The following PKD2L2 variants were observed in gnomAD, a reference collection of about 807,000 sequenced individuals.
The protein encoded by PKD2L2 is polycystin-2-like protein 2.
In PKD2L2, 67 loss-of-function variants were observed where a neutral mutation model predicts 83.9. That is an observed-to-expected ratio of 0.80 (90% CI 0.66 to 0.98). The LOEUF (loss-of-function observed/expected upper bound fraction) is 0.98, where lower values mean the gene tolerates loss of function less well. Ranked by LOEUF, PKD2L2 falls within the 50% of genes least tolerant of loss-of-function variation. The pLI, the probability that PKD2L2 is intolerant of heterozygous loss-of-function variation, is 0.00. For synonymous variants in PKD2L2, 223 were observed against 237.8 expected, an observed-to-expected ratio of 0.94 and a Z score of 0.57; for missense variants, 632 against 717.2, an observed-to-expected ratio of 0.88 and a Z score of 1.36.
At chr5:137,931,314 G>T (rs1367940326) in intron 12 of PKD2L2, among the ~76,000 whole-genome samples, 2 of 152,004 alleles carry the variant, frequency 1.3e-5, no homozygotes, top group African/African-American at 4.8e-5. Flanking sequence ...CTTTGCCCTA[G>T]CAAAGAGAAA....
chr5:137,930,546 C>T (rs1447406555), intron 12 of PKD2L2, among the ~76,000 whole-genome samples: 1 of 151,694 alleles, frequency 6.6e-6, no homozygotes, highest in African/African-American at 2.4e-5. Flanking sequence ...TGGCACACGC[C>T]TATAATCCCA....
At chr5:137,890,442 A>G (rs1755862543) in intron 1 of PKD2L2, 39 bp from the exon 2 acceptor site, 1 of 1,084,492 alleles carries the variant, frequency 9.2e-7, no homozygotes, top group African/African-American at 1.6e-5. Flanking sequence ...TATAAATTAC[A>G]TAATAATGTA....
intron 3 of PKD2L2, among the ~76,000 whole-genome samples, chr5:137,893,062 C>G (rs1561672854): frequency 6.6e-6 from 1 of 151,970 alleles, no homozygotes; most frequent in East Asian, 1.9e-4. Flanking sequence ...GAGCTAGGCT[C>G]CATCTCAAAA....
chr5:137,918,992 A>G (rs758918081), intron 8 of PKD2L2, among the ~76,000 whole-genome samples: 3 of 151,340 alleles, frequency 2.0e-5, no homozygotes, highest in Non-Finnish European at 2.9e-5. Context: ...GTGTGTAGGG[A>G]GAGGACCATC....
chr5:137,912,582 G>T (rs1757927315), intron 8 of PKD2L2, among the ~76,000 whole-genome samples: 1 of 151,808 alleles, frequency 6.6e-6, no homozygotes. Flanking sequence ...AGCCAGGCTG[G>T]TCTCGAACTC....
intron 14 of PKD2L2, chr5:137,939,962 T>C (rs1761151923): frequency 5.4e-6 from 8 of 1,488,972 alleles, no homozygotes; most frequent in Admixed American, 5.0e-5. Context: ...GATGTATCTG[T>C]AGTACAAAAC....
chr5:137,942,347 C>A, intron 14 of PKD2L2, 37 bp from the exon 15 acceptor site: 1 of 315,258 alleles, frequency 3.2e-6, no homozygotes, highest in Admixed American at 4.5e-5. Context: ...TGTTATAAAT[C>A]AACTGTAGGA....
chr5:137,921,111 A>G (rs1758854369), intron 8 of PKD2L2, among the ~76,000 whole-genome samples: 2 of 152,194 alleles, frequency 1.3e-5, no homozygotes, highest in Admixed American at 1.3e-4. Flanking sequence ...CTGTAATCCC[A>G]GCACTTTGGG....
intron 11 of PKD2L2, 82 bp from the exon 12 acceptor site, chr5:137,925,793 C>A: frequency 1.3e-6 from 1 of 756,208 alleles, no homozygotes; most frequent in Non-Finnish European, 2.3e-6. Context: ...CAGATCCTTA[C>A]TACAGATCCG....
chr5:137,915,666 G>A (rs570009185), intron 8 of PKD2L2, among the ~76,000 whole-genome samples: 3 of 152,278 alleles, frequency 2.0e-5, no homozygotes, highest in East Asian at 1.9e-4. Flanking sequence ...TGATCTACCC[G>A]CCTTGGCCTC....
Position 137,941,168 on chromosome 5 carries a change from A to G in PKD2L2, c.*18-1216A>G, listed in dbSNP as rs553652954. ...CGTGATCCACCCGCCTCAGCCTCCC[A>G]AAGTGCTGGTATTACAGACGTGAGC... On this transcript the variant is annotated intron_variant, in intron 14 of 14. Transcript: ENST00000508883. Among the ~76,000 whole-genome samples, 303 of 152,192 alleles carry G rather than the reference A, an allele frequency of 2.0e-3. 1 individual carries two copies. Among genetic ancestry groups the G allele is most frequent in the African/African-American group, 7.2e-3 (300 of 41,520 alleles).
At chr5:137,923,643 T>A (rs1580973862) in intron 10 of PKD2L2, 122 bp downstream of exon 10, 3 of 654,472 alleles carry the variant, frequency 4.6e-6, no homozygotes, top group Non-Finnish European at 5.6e-6. Flanking sequence ...CCCCATCCCA[T>A]CCCCAGGGTT....
At chr5:137,896,855 A>G (rs1015096236) in intron 4 of PKD2L2, among the ~76,000 whole-genome samples, 1 of 151,538 alleles carries the variant, frequency 6.6e-6, no homozygotes, top group Admixed American at 6.6e-5. Flanking sequence ...TTTATATTAT[A>G]AATATGAATA....
chr5:137,907,931 A>G lies in PKD2L2; in HGVS notation c.1146+19A>G, dbSNP rs754293471. 1.8e-5 allele frequency: 19 copies of G among 1,078,180 alleles called. No individual in the cohort carries two copies. Among genetic ancestry groups the G allele is most frequent in the South Asian group, 6.5e-5 (4 of 61,252 alleles). The allele number at this position is 1,078,180 out of a possible 1,614,324, so 66.8% of individuals were successfully genotyped here. On this transcript the variant is annotated intron_variant, in intron 7 of 14. Coordinates refer to ENST00000508883, the MANE Select transcript of PKD2L2 (RefSeq NM_001300921.2). The stretch of plus-strand genomic sequence containing the variant: ...GATAAAGGTATTTATATTTCATTAT[A>G]TTACATAATACAAGCAGTGTAATAG...
rs765723305 is a variant in PKD2L2 at position 137,908,836 on chromosome 5, C to T, written c.1218C>T (p.Asp406=). 5 of 1,591,936 alleles carry T rather than the reference C, an allele frequency of 3.1e-6. No individual in the cohort carries two copies. The highest frequency in any genetic ancestry group is 4.3e-6 in the Non-Finnish European group (5 of 1,160,614). The change falls in exon 8 of 15, where the codon GAC becomes GAT. Residue 406 remains aspartate, a synonymous_variant. Coordinates refer to ENST00000508883, the MANE Select transcript of PKD2L2 (RefSeq NM_001300921.2). ...LSSTLSRCVK[D]IVGFAIMFFI... ...CAACCTTGTCCCGTTGTGTTAAAGA[C>T]ATAGTAGGATTTGCCATCATGTTTT...
intron 8 of PKD2L2, among the ~76,000 whole-genome samples, chr5:137,918,944 ATG>A (rs67036547): frequency 0.015 from 2,250 of 145,700 alleles, 24 homozygotes; most frequent in Middle Eastern, 0.038. Context: ...GGCCTGCACA[ATG>A]TGTGTGTGTG....
chr5:137,939,905 A>C (rs1431533619), intron 14 of PKD2L2: 2 of 1,327,560 alleles, frequency 1.5e-6, no homozygotes, highest in East Asian at 2.9e-5. Context: ...TTGCATTTCC[A>C]AAGTTCTTGA....
intron 4 of PKD2L2, among the ~76,000 whole-genome samples, chr5:137,895,616 G>A (rs139094107): frequency 4.5e-4 from 69 of 152,122 alleles, no homozygotes; most frequent in African/African-American, 1.6e-3. Context: ...ATTGGCTCAC[G>A]CCTGTAATCC....
At chr5:137,897,202 A>G (rs1042837015) in intron 4 of PKD2L2, among the ~76,000 whole-genome samples, 22 of 151,916 alleles carry the variant, frequency 1.4e-4, no homozygotes, top group Middle Eastern at 3.4e-3. Context: ...GACTACAGGC[A>G]CATGCCACCA....
Sources: allele counts gnomAD v4.1 joint callset (sites outside exome capture counted in the v4.1 genomes callset), GRCh38; gene constraint gnomAD v4.1.1; transcripts MANE v1.5; gene names NCBI Gene and HGNC (gene_info 2026-07-23, HGNC 2026-07-21).